The following RALGPS1 variants were observed in gnomAD, a reference collection of about 807,000 sequenced individuals.
RALGPS1 encodes the protein Ral GEF with PH domain and SH3 binding motif 1.
In RALGPS1, 19 loss-of-function variants were observed where a neutral mutation model predicts 78.8. The observed-to-expected ratio is 0.24, with a 90% CI of 0.17 to 0.35. RALGPS1 has a LOEUF of 0.35. Among genes scored for constraint, RALGPS1 ranks in the 10% least tolerant of loss-of-function variants. The probability of loss-of-function intolerance (pLI) is 1.00; values close to 1 mark genes in which losing one functional copy is unlikely to be tolerated. For synonymous variants in RALGPS1, 228 were observed against 256.3 expected, an observed-to-expected ratio of 0.89 and a Z score of 1.06; for missense variants, 454 against 688.3, an observed-to-expected ratio of 0.66 and a Z score of 3.81.
chr9:127,001,315 T>G (rs891256731), intron 4 of RALGPS1, among the ~76,000 whole-genome samples: 1 of 151,582 alleles, frequency 6.6e-6, no homozygotes, highest in African/African-American at 2.4e-5. Context: ...AAGTTCACAC[T>G]ATTTTTTGTT....
chr9:127,203,591 TG>T (rs1305196892), intron 14 of RALGPS1, among the ~76,000 whole-genome samples: 1 of 149,966 alleles, frequency 6.7e-6, no homozygotes, highest in African/African-American at 2.5e-5. Flanking sequence ...GGGGCAGGGT[TG>T]GGGGGCACAG....
chr9:127,054,316 T>C (rs73591280), intron 7 of RALGPS1, among the ~76,000 whole-genome samples: 2,467 of 152,344 alleles, frequency 0.016, 77 homozygotes, highest in African/African-American at 0.056. Flanking sequence ...TTATTGTTTT[T>C]TGGACTGCCG....
intron 11 of RALGPS1, 124 bp from the exon 12 acceptor site, chr9:127,194,967 G>A: frequency 3.4e-6 from 4 of 1,192,832 alleles, no homozygotes; most frequent in South Asian, 1.3e-5. Context: ...TGCCCCACCT[G>A]TGACAGCTGG....
chr9:127,110,079 T>C (rs1049833366), intron 8 of RALGPS1, among the ~76,000 whole-genome samples: 5 of 152,306 alleles, frequency 3.3e-5, no homozygotes, highest in African/African-American at 1.2e-4. Flanking sequence ...GCAGCTCTTG[T>C]TGCATTTCTC....
At chr9:126,959,082 A>C (rs1165353431) in intron 1 of RALGPS1, among the ~76,000 whole-genome samples, 1 of 118,538 alleles carries the variant, frequency 8.4e-6, no homozygotes, top group East Asian at 2.4e-4. Context: ...TTTTTTTTTG[A>C]GGTGGAGTCT....
chr9:127,006,160 A>G (rs776854769), intron 4 of RALGPS1, among the ~76,000 whole-genome samples: 2 of 152,360 alleles, frequency 1.3e-5, no homozygotes, highest in East Asian at 3.8e-4. Flanking sequence ...CAAGACTAGG[A>G]TGCCCACTGT....
intron 8 of RALGPS1, among the ~76,000 whole-genome samples, chr9:127,164,682 G>A (rs919144360): frequency 9.2e-5 from 14 of 151,776 alleles, no homozygotes; most frequent in African/African-American, 3.4e-4. Context: ...TGAGACTACA[G>A]GTATGCACCA....
At chr9:127,110,017 A>G (rs2054636708) in intron 8 of RALGPS1, among the ~76,000 whole-genome samples, 1 of 152,224 alleles carries the variant, frequency 6.6e-6, no homozygotes, top group African/African-American at 2.4e-5. Flanking sequence ...TCCTATAATC[A>G]TACGGTTTTT....
chr9:127,014,414 T>C (rs930984991), intron 4 of RALGPS1, among the ~76,000 whole-genome samples: 1 of 152,138 alleles, frequency 6.6e-6, no homozygotes, highest in African/African-American at 2.4e-5. Context: ...CAGCACCCCA[T>C]AAGATGTTCC....
At chr9:127,167,712 GA>G (rs1444742136) in intron 9 of RALGPS1, among the ~76,000 whole-genome samples, 1 of 152,212 alleles carries the variant, frequency 6.6e-6, no homozygotes, top group Non-Finnish European at 1.5e-5. Context: ...ATCTCGCTAT[GA>G]AAGGCCAGAG....
intron 3 of RALGPS1, among the ~76,000 whole-genome samples, chr9:126,972,627 CTGA>C (rs1454867697): frequency 6.6e-6 from 1 of 152,200 alleles, no homozygotes; most frequent in African/African-American, 2.4e-5. Context: ...GGTCCAGCTG[CTGA>C]TTTGCAGACA....
At chr9:127,050,198 A>G (rs1452289377) in intron 6 of RALGPS1, 66 bp downstream of exon 6, 3 of 1,288,150 alleles carry the variant, frequency 2.3e-6, no homozygotes, top group Non-Finnish European at 2.3e-6. Context: ...CCCCAAAAAT[A>G]TGTTTCCTCA....
At chr9:126,993,010 T>C (rs1354980278) in intron 4 of RALGPS1, among the ~76,000 whole-genome samples, 1 of 152,226 alleles carries the variant, frequency 6.6e-6, no homozygotes, top group Admixed American at 6.5e-5. Flanking sequence ...CAGTAGGTTT[T>C]TTCATAGAGG....
At chr9:126,944,037 G>A (rs905852734) in intron 1 of RALGPS1, among the ~76,000 whole-genome samples, 3 of 152,248 alleles carry the variant, frequency 2.0e-5, no homozygotes, top group Admixed American at 2.0e-4. Flanking sequence ...AAGCTGGGTT[G>A]GAGCAGGTAA....
intron 4 of RALGPS1, among the ~76,000 whole-genome samples, chr9:127,011,838 G>A (rs1392785464): frequency 6.6e-6 from 1 of 152,216 alleles, no homozygotes; most frequent in African/African-American, 2.4e-5. Context: ...CTTACAGAGT[G>A]GTCCTGGCAG....
chr9:127,056,070 C>T (rs1319675544), intron 7 of RALGPS1, among the ~76,000 whole-genome samples: 2 of 152,224 alleles, frequency 1.3e-5, no homozygotes, highest in Non-Finnish European at 2.9e-5. Flanking sequence ...ATTGTTTATA[C>T]CATGGCTTCT....
rs544928311 is a variant in RALGPS1, at chr9:127,165,785, C to T, written c.611-284C>T. On this transcript the variant is annotated intron_variant, in intron 8 of 18. Coordinates refer to ENST00000259351, the MANE Select transcript of RALGPS1 (RefSeq NM_014636.3). Reference sequence around the variant, plus strand: ...CATCCCTTTCATGTCCTGTTATTTTCTAGTTGGGTTACAGGTAAAAGCCTT... The same window carrying T: ...CATCCCTTTCATGTCCTGTTATTTTTTAGTTGGGTTACAGGTAAAAGCCTT... Among the ~76,000 whole-genome samples, 6 of 152,288 alleles carry T rather than the reference C, an allele frequency of 3.9e-5. No individual in the cohort carries two copies. The East Asian group carries it at 1.2e-3, about 29-fold the overall frequency.
intron 10 of RALGPS1, among the ~76,000 whole-genome samples, chr9:127,173,740 C>T (rs541727785): frequency 3.2e-4 from 49 of 152,274 alleles, no homozygotes; most frequent in African/African-American, 1.1e-3. Context: ...AGGCCACGTG[C>T]GGTGGCTCAT....
intron 4 of RALGPS1, among the ~76,000 whole-genome samples, chr9:126,985,449 T>C (rs765569871): frequency 4.6e-5 from 7 of 152,200 alleles, no homozygotes; most frequent in Admixed American, 2.6e-4. Context: ...TTGACTAATA[T>C]AATACTGATC....
Sources: gnomAD v4.1 joint callset for allele counts (sites outside exome capture counted in the v4.1 genomes callset) on GRCh38, gnomAD v4.1.1 for gene constraint, MANE v1.5 for transcripts, NCBI Gene and HGNC (gene_info 2026-07-23, HGNC 2026-07-21) for gene names.